LMF1: variants seen among roughly 807,000 people sequenced by gnomAD.
The protein encoded by LMF1 is lipase maturation factor 1.
In LMF1, 68 loss-of-function variants were observed where a neutral mutation model predicts 60.6. The observed-to-expected ratio is 1.12, with a 90% CI of 0.92 to 1.37. LMF1 has a LOEUF of 1.37. Ranked by LOEUF, LMF1 falls within the 40% of genes most tolerant of loss-of-function variation. The probability of loss-of-function intolerance (pLI) is 0.00; values close to 1 mark genes in which losing one functional copy is unlikely to be tolerated. For synonymous variants in LMF1, 418 were observed against 324.7 expected (o/e 1.29, Z -3.09); for missense variants, 948 against 767.2 (o/e 1.24, Z -2.78).
At chr16:967,519 A>G (rs2072950069) in intron 1 of LMF1, among the ~76,000 whole-genome samples, 1 of 152,154 alleles carries the variant, frequency 6.6e-6, no homozygotes, top group African/African-American at 2.4e-5. Context: ...CACTGCCCCT[A>G]CACACCAAGA....
At position 898,359 on chromosome 16, in the gene LMF1, C is replaced by T. The variant is rs146186921; in HGVS notation, c.664-5287G>A. Among the ~76,000 whole-genome samples the T allele has an allele frequency of 9.4e-4, 143 of 152,334 alleles. 1 individual carries two copies. In the East Asian group the frequency reaches 0.025, roughly 26 times the overall value. On this transcript the variant is annotated intron_variant, in intron 4 of 10. Coordinates refer to ENST00000262301, the MANE Select transcript of LMF1 (RefSeq NM_022773.4). The stretch of plus-strand genomic sequence containing the variant: ...TCGGGCCGCCGCAGAGCCTAGGGGA[C>T]CCACGCTGCGGGCAGGGGCACTGAC...
chr16:875,850 G>T (rs1383319762), intron 6 of LMF1, among the ~76,000 whole-genome samples: 2 of 152,148 alleles, frequency 1.3e-5, no homozygotes, highest in African/African-American at 4.8e-5. Flanking sequence ...TGTGGGGTCG[G>T]GGTGACTCCC....
intron 2 of LMF1, among the ~76,000 whole-genome samples, chr16:950,029 C>A (rs1179245415): frequency 7.8e-6 from 1 of 128,798 alleles, no homozygotes; most frequent in Admixed American, 7.7e-5. Context: ...ACAGAGTCAG[C>A]CAACGACAGA....
chr16:963,056 C>T (rs374774533), intron 1 of LMF1, among the ~76,000 whole-genome samples: 51 of 151,816 alleles, frequency 3.4e-4, no homozygotes, highest in African/African-American at 1.1e-3. Flanking sequence ...CAGGCGGGCA[C>T]GGGATGGACA....
intron 3 of LMF1, among the ~76,000 whole-genome samples, chr16:931,014 G>A (rs560440954): frequency 3.7e-4 from 56 of 152,180 alleles, no homozygotes; most frequent in African/African-American, 1.2e-3. Context: ...CCAGCTACTC[G>A]GGAGGCTGAG....
chr16:892,947 A>G, intron 5 of LMF1, 60 bp downstream of exon 5: 1 of 1,339,864 alleles, frequency 7.5e-7, no homozygotes, highest in Non-Finnish European at 1.0e-6. Context: ...CCCCGCCAAG[A>G]GTGGGAACGG....
Position 886,289 on chromosome 16 carries a change from C to A in LMF1, c.730-6552G>T, listed in dbSNP as rs541232476. Among the ~76,000 whole-genome samples, 648 of 152,238 alleles carry A rather than the reference C, an allele frequency of 4.3e-3. 4 individuals carry two copies. The highest frequency in any genetic ancestry group is 0.013 in the South Asian group (61 of 4,820). On this transcript the variant is annotated intron_variant, in intron 5 of 10. Transcript: ENST00000262301. ...TCCTTGGCTGCGTGGGTAGAACAGC[C>A]GTGAGCACTGCTGACCTTGAGGCGC...
intron 1 of LMF1, chr16:980,991 G>T (rs2073341230): frequency 6.5e-6 from 1 of 154,732 alleles, no homozygotes; most frequent in South Asian, 1.7e-4. Flanking sequence ...CTCAGCGCCG[G>T]GGTCAGCGCA....
upstream of LMF1, among the ~76,000 whole-genome samples, chr16:973,819 T>C (rs953037097): frequency 4.0e-5 from 6 of 151,872 alleles, no homozygotes; most frequent in Admixed American, 6.6e-5. Flanking sequence ...GCTAACACGG[T>C]GAAACCCCGT....
At position 854,671 on chromosome 16, in the gene LMF1, C is replaced by T; in HGVS notation, c.1565G>A (p.Ser522Asn). The change falls in exon 11 of 11, where the codon AGC (serine) becomes AAC (asparagine). Residue 522 changes from serine (S) to asparagine (N), a missense_variant. Transcript: ENST00000262301. ...VRGEHYRYKFSRPGGRHAAEG... is the reference protein window; with the variant it reads ...VRGEHYRYKFNRPGGRHAAEG... ...GGCGGCGTGCCTGCCCCCAGGACGG[C>T]TGAACTTGTACCTGTAGTGCTCTCC... 6.2e-7 allele frequency: 1 copy of T among 1,603,314 alleles called. No individual in the cohort carries two copies. Among genetic ancestry groups the T allele is most frequent in the South Asian group, 1.1e-5 (1 of 89,938 alleles).
intron 3 of LMF1, chr16:931,629 C>T: frequency 1.6e-6 from 2 of 1,285,962 alleles, no homozygotes; most frequent in South Asian, 2.5e-5. Context: ...AGGCCCAGCA[C>T]CCGGAGTCAT....
At chr16:890,250 T>TC (rs1283284639) in intron 5 of LMF1, among the ~76,000 whole-genome samples, 2 of 152,114 alleles carry the variant, frequency 1.3e-5, no homozygotes, top group African/African-American at 4.8e-5. Context: ...CTCTGAACGC[T>TC]CGCTACTCCA....
upstream of LMF1, among the ~76,000 whole-genome samples, chr16:972,414 C>T (rs1202492890): frequency 1.3e-5 from 2 of 152,200 alleles, no homozygotes; most frequent in African/African-American, 2.4e-5. Flanking sequence ...GAGGCATCGG[C>T]CCTGGCTGGC....
chr16:916,320 G>A (rs538690989), intron 3 of LMF1, among the ~76,000 whole-genome samples: 1 of 152,194 alleles, frequency 6.6e-6, no homozygotes, highest in Non-Finnish European at 1.5e-5. Context: ...GGGGACGAGG[G>A]AGCAAAGCGC....
At chr16:977,935 AT>A (rs1419204358) in intron 1 of LMF1, among the ~76,000 whole-genome samples, 174 of 143,688 alleles carry the variant, frequency 1.2e-3, no homozygotes, top group African/African-American at 4.4e-3. Flanking sequence ...ACACACATAC[AT>A]CATACACACG....
At chr16:945,662 G>A (rs1429525494) in intron 2 of LMF1, among the ~76,000 whole-genome samples, 4 of 152,212 alleles carry the variant, frequency 2.6e-5, no homozygotes, top group Non-Finnish European at 5.9e-5. Flanking sequence ...TAACTAGAAG[G>A]CCTCGGCAGA....
chr16:893,225 C>G, intron 4 of LMF1, 153 bp from the exon 5 acceptor site: 1 of 711,802 alleles, frequency 1.4e-6, no homozygotes, highest in Non-Finnish European at 2.5e-6. Flanking sequence ...GTATGAAACA[C>G]TCAGGAAGGC....
At chr16:944,567 C>T (rs1220660860) in intron 2 of LMF1, among the ~76,000 whole-genome samples, 2 of 152,232 alleles carry the variant, frequency 1.3e-5, no homozygotes, top group African/African-American at 4.8e-5. Context: ...CCAGGGACAG[C>T]AGTCCTGGGC....
intron 1 of LMF1, chr16:979,726 C>G: frequency 2.2e-6 from 1 of 454,144 alleles, no homozygotes. Context: ...AGGTCCTCAC[C>G]CGGATGGCAC....
Sources: allele counts gnomAD v4.1 joint callset (sites outside exome capture counted in the v4.1 genomes callset), GRCh38; gene constraint gnomAD v4.1.1; transcripts MANE v1.5; gene names NCBI Gene and HGNC (gene_info 2026-07-23, HGNC 2026-07-21).